ARB2A: variants seen among roughly 807,000 people sequenced by gnomAD.
ARB2A encodes the protein ARB2 cotranscriptional regulator A, also known as cotranscriptional regulator ARB2A.
chr5:93,966,878 A>C, the ARB2A span, among the ~76,000 whole-genome samples: 1 of 152,118 alleles, frequency 6.6e-6, no homozygotes, highest in African/African-American at 2.4e-5. Context: ...AGAACACTAT[A>C]ATTTCGGTCT....
chr5:93,682,643 A>G, the ARB2A span, among the ~76,000 whole-genome samples: 2 of 152,140 alleles, frequency 1.3e-5, no homozygotes, highest in Non-Finnish European at 2.9e-5. Context: ...AACCAAGCAA[A>G]GGGTGGAGTT....
At chr5:93,776,092 CA>C in the ARB2A span, 1 of 1,250,098 alleles carries the variant, frequency 8.0e-7, no homozygotes, top group Non-Finnish European at 1.1e-6. Flanking sequence ...CAGAATTCTA[CA>C]TTTCATTAGC....
the ARB2A span, chr5:93,734,327 A>G: frequency 6.6e-6 from 1 of 152,196 alleles, no homozygotes; most frequent in Non-Finnish European, 1.5e-5. Flanking sequence ...AGATTCAAAG[A>G]AAACCAGAAA....
At chr5:93,773,757 T>C in the ARB2A span, among the ~76,000 whole-genome samples, 2 of 152,154 alleles carry the variant, frequency 1.3e-5, no homozygotes, top group Admixed American at 1.3e-4. Flanking sequence ...GATTACCATA[T>C]GTTATGGTAA....
the ARB2A span, among the ~76,000 whole-genome samples, chr5:93,686,790 A>G: frequency 3.3e-5 from 5 of 152,250 alleles, no homozygotes; most frequent in South Asian, 1.0e-3. Context: ...AGCCCTCAAC[A>G]TTGTTCAGCC....
the ARB2A span, among the ~76,000 whole-genome samples, chr5:93,695,685 G>A: frequency 6.6e-6 from 1 of 152,092 alleles, no homozygotes; most frequent in Non-Finnish European, 1.5e-5. Context: ...TCATTACTGG[G>A]TATATACCCA....
chr5:93,912,778 ATTTC>A, the ARB2A span, among the ~76,000 whole-genome samples: 2 of 151,828 alleles, frequency 1.3e-5, no homozygotes, highest in Non-Finnish European at 2.9e-5. Flanking sequence ...AATTCTTCAT[ATTTC>A]TTTTTCTTCT....
chr5:94,000,473 G>A, the ARB2A span, among the ~76,000 whole-genome samples: 2 of 152,038 alleles, frequency 1.3e-5, no homozygotes, highest in Non-Finnish European at 1.5e-5. Flanking sequence ...TTAGTGAGGT[G>A]TCTGTTGACA....
chr5:93,882,322 T>G, the ARB2A span, among the ~76,000 whole-genome samples: 3 of 151,386 alleles, frequency 2.0e-5, no homozygotes, highest in Non-Finnish European at 4.4e-5. Context: ...TGTAGCAAAA[T>G]AAGCCACTGT....
the ARB2A span, among the ~76,000 whole-genome samples, chr5:93,666,385 A>G: frequency 6.6e-6 from 1 of 152,166 alleles, no homozygotes. Flanking sequence ...AACTGGGTAC[A>G]CATTTTATGC....
chr5:93,949,755 T>C, the ARB2A span, among the ~76,000 whole-genome samples: 1 of 152,068 alleles, frequency 6.6e-6, no homozygotes, highest in Admixed American at 6.6e-5. Context: ...TATCTCACTA[T>C]AGCTTTGTAC....
chr5:94,041,836 G>A, the ARB2A span, among the ~76,000 whole-genome samples: 1 of 151,986 alleles, frequency 6.6e-6, no homozygotes, highest in Non-Finnish European at 1.5e-5. Flanking sequence ...TAGCTATGAC[G>A]GAAAGAGTCA....
At chr5:93,950,026 T>C in the ARB2A span, among the ~76,000 whole-genome samples, 1 of 152,198 alleles carries the variant, frequency 6.6e-6, no homozygotes, top group Non-Finnish European at 1.5e-5. Context: ...ATCTATGTTG[T>C]TGCAAATGAC....
At chr5:93,931,930 T>A in the ARB2A span, among the ~76,000 whole-genome samples, 22 of 152,318 alleles carry the variant, frequency 1.4e-4, 1 homozygote, top group African/African-American at 5.3e-4. Context: ...ATTTGGAAGG[T>A]TCATCCATAT....
At chr5:93,877,152 G>T in the ARB2A span, among the ~76,000 whole-genome samples, 16 of 152,182 alleles carry the variant, frequency 1.1e-4, no homozygotes, top group African/African-American at 3.9e-4. Context: ...CTTTCTTTCA[G>T]AGGCTGGGTC....
the ARB2A span, among the ~76,000 whole-genome samples, chr5:93,918,934 G>A: frequency 1.3e-5 from 2 of 152,088 alleles, no homozygotes; most frequent in African/African-American, 4.8e-5. Flanking sequence ...AAATTCTGAT[G>A]TAATTAGTCA....
the ARB2A span, among the ~76,000 whole-genome samples, chr5:93,843,412 G>A: frequency 6.7e-6 from 1 of 148,420 alleles, no homozygotes; most frequent in South Asian, 2.1e-4. Flanking sequence ...AGTAGAACAA[G>A]GATACTTTTT....
At chr5:93,885,472 G>C in the ARB2A span, among the ~76,000 whole-genome samples, 65 of 151,566 alleles carry the variant, frequency 4.3e-4, no homozygotes, top group African/African-American at 1.5e-3. Flanking sequence ...AAGATAAAAT[G>C]ATCAAATCAA....
At chr5:93,969,963 A>G in the ARB2A span, among the ~76,000 whole-genome samples, 1 of 152,086 alleles carries the variant, frequency 6.6e-6, no homozygotes, top group South Asian at 2.1e-4. Context: ...ACACGATAAT[A>G]TATATTACTG....
Sources: gnomAD v4.1 joint callset for allele counts (sites outside exome capture counted in the v4.1 genomes callset) on GRCh38, gnomAD v4.1.1 for gene constraint, MANE v1.5 for transcripts, NCBI Gene and HGNC (gene_info 2026-07-23, HGNC 2026-07-21) for gene names.